The following RASGEF1C variants were observed in gnomAD, a reference collection of about 807,000 sequenced individuals.
RASGEF1C encodes the protein ras-GEF domain-containing family member 1C.
In RASGEF1C, 27 loss-of-function variants were observed where a neutral mutation model predicts 58.1. The ratio of observed to expected loss-of-function variants is 0.46; its 90% confidence interval spans 0.34 to 0.64. The LOEUF is 0.64. Ranked by LOEUF, RASGEF1C falls within the 30% of genes least tolerant of loss-of-function variation. RASGEF1C has a pLI of 0.01. For missense variants in RASGEF1C, 502 were observed against 605.1 expected (o/e 0.83, Z 1.79); for synonymous variants, 243 against 246.3 (o/e 0.99, Z 0.13).
chr5:180,164,828 T>C (rs897146947), intron 1 of RASGEF1C, among the ~76,000 whole-genome samples: 2 of 152,254 alleles, frequency 1.3e-5, no homozygotes, highest in Admixed American at 6.5e-5. Context: ...AGTTCTTCTA[T>C]ATCCTTGCTG....
At position 180,116,474 on chromosome 5, in the gene RASGEF1C, C is replaced by G. The variant is rs977279177; in HGVS notation, c.1084-1933G>C. Among the ~76,000 whole-genome samples, 56 of 152,314 alleles carry G rather than the reference C, an allele frequency of 3.7e-4. 1 individual carries two copies. Among genetic ancestry groups the G allele is most frequent in the South Asian group, 8.3e-4 (4 of 4,830 alleles). ...CTTCCCTCCCTCTGCCCCTCCACCC[C>G]TCTCCATCCATAAAGCAGCTTTTGT... On this transcript the variant is annotated intron_variant, in intron 10 of 13. Transcript: ENST00000361132.
chr5:180,200,809 G>GT (rs1756381794), intron 1 of RASGEF1C, among the ~76,000 whole-genome samples: 1 of 152,122 alleles, frequency 6.6e-6, no homozygotes, highest in Non-Finnish European at 1.5e-5. Flanking sequence ...TCCTCTAACT[G>GT]GTGTGGGCGA....
intron 1 of RASGEF1C, among the ~76,000 whole-genome samples, chr5:180,153,386 T>C (rs1463526518): frequency 1.3e-5 from 2 of 152,220 alleles, no homozygotes. Context: ...AGCTAGCTGC[T>C]ACCATGTTAA....
chr5:180,132,869 T>C (rs1259529598), intron 4 of RASGEF1C, among the ~76,000 whole-genome samples: 1 of 149,600 alleles, frequency 6.7e-6, no homozygotes, highest in African/African-American at 2.5e-5. Context: ...CTCAGAAGGC[T>C]GAGGTAGGAG....
At chr5:180,116,016 C>T (rs1431042735) in intron 10 of RASGEF1C, among the ~76,000 whole-genome samples, 1 of 152,102 alleles carries the variant, frequency 6.6e-6, no homozygotes, top group African/African-American at 2.4e-5. Flanking sequence ...TGGGACTCCG[C>T]ACACAGAGGA....
At chr5:180,159,955 C>A (rs768028798) in intron 1 of RASGEF1C, among the ~76,000 whole-genome samples, 11 of 152,190 alleles carry the variant, frequency 7.2e-5, no homozygotes, top group Non-Finnish European at 1.6e-4. Flanking sequence ...AGCCAAGCTT[C>A]GAGCACATTG....
At chr5:180,163,253 C>CTTTTTT in intron 1 of RASGEF1C, among the ~76,000 whole-genome samples, 1 of 5,058 alleles carries the variant, frequency 2.0e-4, no homozygotes, top group Non-Finnish European at 1.0e-3. Context: ...TTTTTTTTTT[C>CTTTTTT]CAGCCTATTG....
intron 1 of RASGEF1C, among the ~76,000 whole-genome samples, chr5:180,173,892 A>G (rs59806822): frequency 0.14 from 20,176 of 146,954 alleles, 1,698 homozygotes; most frequent in African/African-American, 0.24. Context: ...CAGCCTGGGC[A>G]ACAGAGCGAG....
chr5:180,121,458 C>T (rs555238275), intron 6 of RASGEF1C, among the ~76,000 whole-genome samples: 25 of 152,110 alleles, frequency 1.6e-4, no homozygotes, highest in African/African-American at 2.4e-4. Context: ...GGACTACAGG[C>T]GCCCGCCACC....
At chr5:180,169,552 AG>A (rs1250547935) in intron 1 of RASGEF1C, among the ~76,000 whole-genome samples, 1 of 83,470 alleles carries the variant, frequency 1.2e-5, no homozygotes, top group Non-Finnish European at 2.1e-5. Context: ...AGGTCTGGAG[AG>A]GGCTGCTGGT....
chr5:180,121,565 G>A (rs1223131973), intron 6 of RASGEF1C, among the ~76,000 whole-genome samples: 8 of 151,618 alleles, frequency 5.3e-5, no homozygotes, highest in South Asian at 2.1e-4. Context: ...CGCCCACCTC[G>A]GCCTCCAAAA....
intron 12 of RASGEF1C, among the ~76,000 whole-genome samples, chr5:180,104,173 TG>T (rs1363135698): frequency 6.6e-6 from 1 of 152,344 alleles, no homozygotes; most frequent in Admixed American, 6.5e-5. Flanking sequence ...AGGGTAATAC[TG>T]GTGCCAGGGT....
intron 1 of RASGEF1C, among the ~76,000 whole-genome samples, chr5:180,161,862 CCT>C (rs36080899): frequency 0.17 from 25,215 of 152,182 alleles, 2,246 homozygotes; most frequent in African/African-American, 0.21. Flanking sequence ...TCTCACAGCC[CCT>C]GTCACCGACT....
chr5:180,152,508 A>C (rs1359906525), intron 1 of RASGEF1C, among the ~76,000 whole-genome samples: 1 of 146,084 alleles, frequency 6.8e-6, no homozygotes, highest in Non-Finnish European at 1.5e-5. Flanking sequence ...GTGGGAATTG[A>C]ACAATGAGAA....
rs147610853 is a variant in RASGEF1C at position 180,187,717 on chromosome 5, T to C, written c.-7+21311A>G. Among the ~76,000 whole-genome samples the C allele has an allele frequency of 2.1e-3, 326 of 152,278 alleles. 1 individual carries two copies. The highest frequency in any genetic ancestry group is 3.1e-3 in the Non-Finnish European group (211 of 68,008). Reference sequence around the variant, plus strand: ...TGAATAGACATTTTTCCAAAAGAGATACACAAATGGCCAAGAAGAATATAA... The same window carrying C: ...TGAATAGACATTTTTCCAAAAGAGACACACAAATGGCCAAGAAGAATATAA... On this transcript the variant is annotated intron_variant, in intron 1 of 13. Transcript: ENST00000361132.
chr5:180,138,912 G>A (rs182888579), intron 1 of RASGEF1C, among the ~76,000 whole-genome samples: 12 of 152,198 alleles, frequency 7.9e-5, no homozygotes, highest in Admixed American at 7.2e-4. Context: ...CCTCGTCCTC[G>A]GTGAAGCCTT....
chr5:180,105,876 AAAG>A (rs534316794), intron 12 of RASGEF1C, among the ~76,000 whole-genome samples: 13 of 152,130 alleles, frequency 8.5e-5, no homozygotes, highest in African/African-American at 2.2e-4. Flanking sequence ...TCAAAAAAAA[AAAG>A]AAGTAAAATG....
At position 180,121,136 on chromosome 5, in the gene RASGEF1C, T is replaced by G; in HGVS notation, c.728A>C (p.Asp243Ala). The G allele has an allele frequency of 6.2e-7, 1 of 1,613,890 alleles. No homozygotes were observed. Among genetic ancestry groups the G allele is most frequent in the East Asian group, 2.2e-5 (1 of 44,864 alleles). ...PLASTKPCFS[D>A]KTSNLEAYVK... ...ATAAGCCTCCAGGTTGCTGGTCTTG[T>G]CACTGAAGCAGGGCTAGAACAAACA... Residue 243 changes from aspartate to alanine, a missense_variant, in exon 7 of 14, where the codon GAC (aspartate) becomes GCC (alanine). Transcript: ENST00000361132.
intron 1 of RASGEF1C, among the ~76,000 whole-genome samples, chr5:180,171,134 G>A (rs1465042658): frequency 6.6e-6 from 1 of 152,110 alleles, no homozygotes; most frequent in Non-Finnish European, 1.5e-5. Flanking sequence ...CCCAGGAGTG[G>A]GACCCCCGAG....
Sources: gnomAD v4.1 joint callset for allele counts (sites outside exome capture counted in the v4.1 genomes callset) on GRCh38, gnomAD v4.1.1 for gene constraint, MANE v1.5 for transcripts, NCBI Gene and HGNC (gene_info 2026-07-23, HGNC 2026-07-21) for gene names.